The following ARHGAP44 variants were observed in gnomAD, a reference collection of about 807,000 sequenced individuals.
ARHGAP44 encodes the protein Rho GTPase activating protein 44.
Under a neutral mutation model 106.8 loss-of-function variants are expected in ARHGAP44, and 43 were observed. The ratio of observed to expected loss-of-function variants is 0.40; its 90% CI spans 0.32 to 0.52. The LOEUF is 0.52. ARHGAP44 is among the 20% of genes least tolerant of loss of function. The pLI is 0.48. For missense variants in ARHGAP44, 866 were observed against 1,050.5 expected, an observed-to-expected ratio of 0.82 and a Z score of 2.43; for synonymous variants, 439 against 410.3, an observed-to-expected ratio of 1.07 and a Z score of -0.85.
intron 1 of ARHGAP44, among the ~76,000 whole-genome samples, chr17:12,843,512 A>G (rs939082592): frequency 9.2e-5 from 14 of 151,908 alleles, no homozygotes; most frequent in Non-Finnish European, 1.9e-4. Context: ...GTTGATCTCA[A>G]TTGATTAACT....
chr17:12,950,700 C>A (rs578196395), intron 12 of ARHGAP44, among the ~76,000 whole-genome samples: 3 of 151,604 alleles, frequency 2.0e-5, no homozygotes, highest in African/African-American at 4.8e-5. Context: ...ATGATGGAGA[C>A]GAGGGTAGAG....
intron 1 of ARHGAP44, among the ~76,000 whole-genome samples, chr17:12,810,630 C>G (rs2034409562): frequency 6.6e-6 from 1 of 152,158 alleles, no homozygotes; most frequent in African/African-American, 2.4e-5. Context: ...GGGATGAGAT[C>G]TCTGGACATT....
At chr17:12,910,771 G>A (rs892208650) in intron 4 of ARHGAP44, among the ~76,000 whole-genome samples, 4 of 151,932 alleles carry the variant, frequency 2.6e-5, no homozygotes, top group African/African-American at 9.7e-5. Flanking sequence ...TTTTAGAGAA[G>A]TGACAAGACA....
intron 4 of ARHGAP44, among the ~76,000 whole-genome samples, chr17:12,915,396 A>G (rs555093448): frequency 6.6e-6 from 1 of 152,338 alleles, no homozygotes; most frequent in South Asian, 2.1e-4. Flanking sequence ...CTTTCTACTC[A>G]TTCAGGTCTT....
At chr17:12,933,373 T>C (rs1475990860) in intron 7 of ARHGAP44, among the ~76,000 whole-genome samples, 1 of 152,168 alleles carries the variant, frequency 6.6e-6, no homozygotes, top group Non-Finnish European at 1.5e-5. Flanking sequence ...ACCAGAGAGA[T>C]TTAGCCCACC....
intron 1 of ARHGAP44, among the ~76,000 whole-genome samples, chr17:12,891,395 T>A (rs886446219): frequency 1.8e-4 from 28 of 152,358 alleles, no homozygotes; most frequent in African/African-American, 6.5e-4. Flanking sequence ...GGAGCTAGCG[T>A]CTGGCAAGGT....
Position 12,952,594 on chromosome 17 carries a change from T to C in ARHGAP44, c.1136+13T>C. ...ACAACAACATCCGGTAAGTGGATAC[T>C]TACCAAGTATAGACACATGGCTTGG... On this transcript the variant is annotated intron_variant, in intron 13 of 20. Coordinates refer to ENST00000379672, the MANE Select transcript of ARHGAP44 (RefSeq NM_014859.6). 6.4e-7 allele frequency: 1 copy of C among 1,550,718 alleles called. No individual in the cohort carries two copies. Among genetic ancestry groups the C allele is most frequent in the South Asian group, 1.2e-5 (1 of 84,180 alleles).
chr17:12,854,582 T>C (rs2035851806), intron 1 of ARHGAP44, among the ~76,000 whole-genome samples: 1 of 152,102 alleles, frequency 6.6e-6, no homozygotes, highest in Admixed American at 6.5e-5. Flanking sequence ...AGTAGATGCA[T>C]AGAAAGATCT....
At chr17:12,854,548 TAAAG>T (rs1192066824) in intron 1 of ARHGAP44, among the ~76,000 whole-genome samples, 1 of 152,068 alleles carries the variant, frequency 6.6e-6, no homozygotes, top group Non-Finnish European at 1.5e-5. Context: ...ACACAACTAA[TAAAG>T]AAAGTGAGGT....
At chr17:12,875,612 A>C (rs1218080098) in intron 1 of ARHGAP44, among the ~76,000 whole-genome samples, 4 of 148,426 alleles carry the variant, frequency 2.7e-5, no homozygotes, top group African/African-American at 1.0e-4. Context: ...AAATAAATAA[A>C]AAGGGGGGGT....
At chr17:12,938,081 G>GA (rs71144937) in intron 7 of ARHGAP44, among the ~76,000 whole-genome samples, 14 of 148,844 alleles carry the variant, frequency 9.4e-5, no homozygotes, top group South Asian at 2.1e-4. Context: ...CTGGGTGACA[G>GA]AAAAAAAAAA....
intron 16 of ARHGAP44, among the ~76,000 whole-genome samples, chr17:12,961,462 T>C (rs11078099): frequency 0.17 from 25,638 of 152,194 alleles, 2,525 homozygotes; most frequent in East Asian, 0.48. Context: ...AGGCCGGGCG[T>C]GGTGGCTCAC....
At chr17:12,985,813 G>C (rs1399705401) in intron 20 of ARHGAP44, 1 of 152,238 alleles carries the variant, frequency 6.6e-6, no homozygotes, top group Non-Finnish European at 1.5e-5. Flanking sequence ...ATGGCGGTGA[G>C]CTGGAGCATA....
At chr17:12,841,981 G>A (rs16946685) in intron 1 of ARHGAP44, among the ~76,000 whole-genome samples, 15,320 of 151,992 alleles carry the variant, frequency 0.1, 1,645 homozygotes, top group African/African-American at 0.27. Context: ...CAGCAATACC[G>A]GTTTAGGGAA....
chr17:12,974,181 C>T lies in ARHGAP44; in HGVS notation c.1634C>T (p.Pro545Leu), dbSNP rs1211000149. ...KVSCAPPSMQPPAPPAELAAP... is the reference protein window; with the variant it reads ...KVSCAPPSMQLPAPPAELAAP... ...TCCTGCGCCCCGCCCTCCATGCAGC[C>T]TCCCGCCCCGCCCGCCGAGCTGGCT... The change falls in exon 18 of 21, where the codon CCT becomes CTT. Residue 545 changes from proline (P) to leucine (L), a missense_variant. This residue lies in a region of ARHGAP44 where 418 missense variants were observed against 403.6 expected (regional missense o/e 1.04). Coordinates refer to ENST00000379672, the MANE Select transcript of ARHGAP44 (RefSeq NM_014859.6). 4.5e-6 allele frequency: 7 copies of T among 1,549,198 alleles called. No individual in the cohort carries two copies. In the South Asian group the frequency reaches 8.3e-5, roughly 18 times the overall value.
At chr17:12,881,823 A>G (rs912032711) in intron 1 of ARHGAP44, among the ~76,000 whole-genome samples, 2 of 152,100 alleles carry the variant, frequency 1.3e-5, no homozygotes, top group Non-Finnish European at 2.9e-5. Flanking sequence ...CCTCTTGAGC[A>G]GCTGGGACTA....
intron 20 of ARHGAP44, among the ~76,000 whole-genome samples, chr17:12,989,128 AAGC>A (rs1294742371): frequency 1.1e-3 from 148 of 129,702 alleles, no homozygotes; most frequent in East Asian, 1.4e-3. Context: ...AAAAAAAACT[AAGC>A]AGGCGGAGGA....
rs144682033 is a variant in ARHGAP44 at position 12,990,244 on chromosome 17, A to G, written c.*73A>G. 33 of 1,533,746 alleles carry G rather than the reference A, an allele frequency of 2.2e-5. No individual in the cohort carries two copies. In the African/African-American group the frequency reaches 3.3e-4, roughly 15 times the overall value. On this transcript the variant is annotated 3_prime_UTR_variant, in exon 21 of 21. Coordinates refer to ENST00000379672, the MANE Select transcript of ARHGAP44 (RefSeq NM_014859.6). ...AGGAACGCCGCCAGGAGCAGCGTCC[A>G]TGAGCTTGCCAAGTGTTCTCTGCTG...
chr17:12,905,832 G>A (rs1036715302), intron 3 of ARHGAP44, among the ~76,000 whole-genome samples: 5 of 152,144 alleles, frequency 3.3e-5, no homozygotes, highest in Non-Finnish European at 7.4e-5. Context: ...GTCTTTTTAT[G>A]TGAGCTCATC....
Sources: allele counts gnomAD v4.1 joint callset (sites outside exome capture counted in the v4.1 genomes callset), GRCh38; gene constraint gnomAD v4.1.1; regional missense constraint gnomAD v4.1.1; transcripts MANE v1.5; gene names NCBI Gene and HGNC (gene_info 2026-07-23, HGNC 2026-07-21).